Variants in ADAMTS14 observed in about 807,000 individuals in gnomAD.
ADAMTS14 encodes the protein ADAM metallopeptidase with thrombospondin type 1 motif 14, also known as A disintegrin and metalloproteinase with thrombospondin motifs 14.
In ADAMTS14, 100 loss-of-function variants were observed where a neutral mutation model predicts 128.6. The observed-to-expected ratio is 0.78, with a 90% confidence interval of 0.66 to 0.92. The LOEUF (loss-of-function observed/expected upper bound fraction) is 0.92. ADAMTS14 is among the 40% of genes least tolerant of loss of function. The pLI is 0.00. For synonymous variants in ADAMTS14, 665 were observed against 653.8 expected, an observed-to-expected ratio of 1.02 and a Z score of -0.26; for missense variants, 1,562 against 1,658.6, an observed-to-expected ratio of 0.94 and a Z score of 1.01.
At chr10:70,680,890 C>T (rs1005879133) in intron 2 of ADAMTS14, among the ~76,000 whole-genome samples, 12 of 152,198 alleles carry the variant, frequency 7.9e-5, no homozygotes, top group African/African-American at 2.7e-4. Flanking sequence ...TCAGCTGATC[C>T]ACCTGCCTCT....
chr10:70,677,259 A>T (rs1053457684), intron 2 of ADAMTS14, among the ~76,000 whole-genome samples: 7 of 151,964 alleles, frequency 4.6e-5, no homozygotes, highest in African/African-American at 1.7e-4. Context: ...CGGATGGTGG[A>T]GGTGGGGCTG....
intron 19 of ADAMTS14, among the ~76,000 whole-genome samples, chr10:70,756,149 A>G (rs192159304): frequency 5.3e-4 from 81 of 152,316 alleles, no homozygotes; most frequent in African/African-American, 1.8e-3. Flanking sequence ...AAGCACTTCC[A>G]ATGGATGTCA....
chr10:70,729,200 G>A lies in ADAMTS14; in HGVS notation c.871-94G>A, dbSNP rs183054969. 36 of 1,055,896 alleles carry A rather than the reference G, an allele frequency of 3.4e-5. No individual in the cohort carries two copies. In the Admixed American group the frequency reaches 6.3e-4, roughly 18 times the overall value. 65.4% of individuals were successfully genotyped at this position (1,055,896 alleles called of 1,614,324 possible). ...ATCTTGCCTGATAAGGTCACGGTGG[G>A]GATACCATATGTTAGGTACCTACCC... On this transcript the variant is annotated intron_variant, in intron 4 of 21. Coordinates refer to ENST00000373207, the MANE Select transcript of ADAMTS14 (RefSeq NM_080722.4).
At chr10:70,711,213 C>T (rs1840846476) in intron 4 of ADAMTS14, among the ~76,000 whole-genome samples, 1 of 152,236 alleles carries the variant, frequency 6.6e-6, no homozygotes, top group South Asian at 2.1e-4. Flanking sequence ...TTCTCTCTGA[C>T]CGACTTCTCT....
At chr10:70,692,773 C>T (rs1840227671) in intron 2 of ADAMTS14, among the ~76,000 whole-genome samples, 1 of 152,196 alleles carries the variant, frequency 6.6e-6, no homozygotes, top group African/African-American at 2.4e-5. Flanking sequence ...TAAAATCATC[C>T]TCTATCAGTC....
chr10:70,695,137 C>G (rs1157263382), intron 2 of ADAMTS14, among the ~76,000 whole-genome samples: 1 of 152,186 alleles, frequency 6.6e-6, no homozygotes, highest in Non-Finnish European at 1.5e-5. Flanking sequence ...CATGTGCTTA[C>G]TGCTATTTGT....
intron 7 of ADAMTS14, 88 bp from the exon 8 acceptor site, chr10:70,733,797 G>A (rs566766455): frequency 6.6e-7 from 1 of 1,518,186 alleles, no homozygotes; most frequent in South Asian, 1.3e-5. Flanking sequence ...TCAGGTCAGG[G>A]TCTCCTGCTG....
At position 70,702,312 on chromosome 10, in the gene ADAMTS14, G is replaced by A; in HGVS notation, c.523G>A (p.Ala175Thr). 1.2e-6 allele frequency: 2 copies of A among 1,614,148 alleles called. No homozygotes were observed. The highest frequency in any genetic ancestry group is 1.1e-5 in the South Asian group (1 of 91,076). Residue 175 changes from alanine to threonine, a missense_variant and splice_region_variant, in exon 3 of 22, where the codon GCG becomes ACG. By Grantham distance (58) the Ala-to-Thr change is moderately conservative. Transcript: ENST00000373207. Reference protein sequence around the residue: ...AVAISNCDGLAGLIRTDSTDF... With the variant: ...AVAISNCDGLTGLIRTDSTDF... The stretch of plus-strand genomic sequence containing the variant: ...CCGCTGCTTGCCGTCCCTGGTTCAG[G>A]CGGGCCTCATCCGCACAGACAGCAC...
At chr10:70,740,263 T>C (rs1352329473) in intron 11 of ADAMTS14, among the ~76,000 whole-genome samples, 4 of 152,262 alleles carry the variant, frequency 2.6e-5, no homozygotes, top group Admixed American at 6.5e-5. Context: ...TTCTCCCACA[T>C]GTCTATGAGT....
At chr10:70,747,887 C>G (rs1453605752) in intron 15 of ADAMTS14, among the ~76,000 whole-genome samples, 3 of 151,972 alleles carry the variant, frequency 2.0e-5, no homozygotes, top group Non-Finnish European at 4.4e-5. Context: ...TGTGTGCATG[C>G]ACGTGCATGC....
chr10:70,715,307 G>A (rs2132631588), intron 4 of ADAMTS14, among the ~76,000 whole-genome samples: 1 of 152,264 alleles, frequency 6.6e-6, no homozygotes, highest in South Asian at 2.1e-4. Context: ...CACACAGGCT[G>A]GGAACAGGAC....
chr10:70,761,017 G>A lies in ADAMTS14; in HGVS notation c.*164G>A. The A allele has an allele frequency of 2.8e-6, 3 of 1,081,142 alleles. No individual in the cohort carries two copies. The highest frequency in any genetic ancestry group is 3.8e-6 in the Non-Finnish European group (3 of 794,906). The allele number at this position is 1,081,142 out of a possible 1,614,324, so 67.0% of individuals were successfully genotyped here. A position where few individuals can be genotyped will look rare whatever the true frequency, so the allele number is the denominator to read the frequency against. ...GTGATGCTCTTTACCCCACAAAGCG[G>A]GGTGGGAGGAAGACAAAGATCAGGG... On this transcript the variant is annotated 3_prime_UTR_variant, in exon 22 of 22. Transcript: ENST00000373207.
intron 4 of ADAMTS14, among the ~76,000 whole-genome samples, chr10:70,712,021 G>T (rs1318445051): frequency 6.6e-6 from 1 of 151,912 alleles, no homozygotes; most frequent in Non-Finnish European, 1.5e-5. Context: ...GACACAAAGG[G>T]CAAAGGCTAC....
chr10:70,748,077 G>T (rs944694185), intron 15 of ADAMTS14, among the ~76,000 whole-genome samples: 2 of 152,088 alleles, frequency 1.3e-5, no homozygotes, highest in African/African-American at 2.4e-5. Context: ...TATCTCCCAT[G>T]CGCTGGGCCA....
chr10:70,705,184 C>T (rs765420196), intron 3 of ADAMTS14, among the ~76,000 whole-genome samples: 4 of 152,204 alleles, frequency 2.6e-5, no homozygotes, highest in Non-Finnish European at 4.4e-5. Flanking sequence ...CAGGAATTCC[C>T]GGTGCTGGGC....
At chr10:70,725,561 G>C (rs1389297817) in intron 4 of ADAMTS14, among the ~76,000 whole-genome samples, 3 of 152,318 alleles carry the variant, frequency 2.0e-5, no homozygotes, top group Non-Finnish European at 4.4e-5. Flanking sequence ...ACTTCTCACT[G>C]TGTCCTCACA....
chr10:70,727,534 G>A (rs1219206885), intron 4 of ADAMTS14, among the ~76,000 whole-genome samples: 3 of 150,966 alleles, frequency 2.0e-5, no homozygotes, highest in African/African-American at 4.9e-5. Context: ...CTCCCTAACC[G>A]CACTGCTGGC....
chr10:70,737,675 C>A (rs1841869326), intron 10 of ADAMTS14, among the ~76,000 whole-genome samples: 1 of 152,190 alleles, frequency 6.6e-6, no homozygotes, highest in South Asian at 2.1e-4. Flanking sequence ...CTGGCAGGTC[C>A]TTGATGGGTT....
At chr10:70,757,554 G>C (rs1564562817) in intron 19 of ADAMTS14, among the ~76,000 whole-genome samples, 1 of 152,160 alleles carries the variant, frequency 6.6e-6, no homozygotes, top group Non-Finnish European at 1.5e-5. Flanking sequence ...CCATGTAGTG[G>C]ATTGCAACAG....
Sources: allele counts gnomAD v4.1 joint callset (sites outside exome capture counted in the v4.1 genomes callset), GRCh38; gene constraint gnomAD v4.1.1; transcripts MANE v1.5; gene names NCBI Gene and HGNC (gene_info 2026-07-23, HGNC 2026-07-21).